The following SEL1L2 variants were observed in gnomAD, a reference collection of about 807,000 sequenced individuals.
SEL1L2 encodes the protein protein sel-1 homolog 2.
In SEL1L2, 89 loss-of-function variants were observed where a neutral mutation model predicts 98.8. The observed-to-expected ratio is 0.90, with a 90% CI of 0.76 to 1.07. SEL1L2 has a LOEUF of 1.07. Ranked by LOEUF, SEL1L2 falls within the 50% of genes least tolerant of loss-of-function variation. The pLI is 0.00. For missense variants in SEL1L2, 788 were observed against 812.0 expected (o/e 0.97, Z 0.36); for synonymous variants, 262 against 278.5 (o/e 0.94, Z 0.59).
intron 15 of SEL1L2, among the ~76,000 whole-genome samples, chr20:13,865,831 C>G (rs200336309): frequency 6.7e-6 from 1 of 149,944 alleles, no homozygotes; most frequent in African/African-American, 2.5e-5. Context: ...GTGTGTGTGT[C>G]TGTGTGTGTG....
At chr20:13,930,310 C>G (rs1158331671) in intron 3 of SEL1L2, among the ~76,000 whole-genome samples, 1 of 152,216 alleles carries the variant, frequency 6.6e-6, no homozygotes, top group East Asian at 1.9e-4. Context: ...CTGGCTTTGT[C>G]CTTGACTTGA....
chr20:13,888,575 A>T (rs2047059956), intron 5 of SEL1L2, 63 bp from the exon 6 acceptor site: 1 of 765,120 alleles, frequency 1.3e-6, no homozygotes, highest in Non-Finnish European at 2.2e-6. Context: ...ATCTATATGG[A>T]TAAGGGATAT....
chr20:13,862,825 C>T (rs1384088284), intron 17 of SEL1L2, among the ~76,000 whole-genome samples: 1 of 151,982 alleles, frequency 6.6e-6, no homozygotes, highest in East Asian at 1.9e-4. Context: ...GTAGCTAGAA[C>T]TACAGGTGCA....
At chr20:13,870,979 A>T (rs952004277) in intron 12 of SEL1L2, among the ~76,000 whole-genome samples, 2 of 150,458 alleles carry the variant, frequency 1.3e-5, no homozygotes, top group South Asian at 4.3e-4. Context: ...CACCTAGAAG[A>T]GGGACACTCT....
At chr20:13,876,210 A>G (rs1322556590) in intron 11 of SEL1L2, 95 bp from the exon 12 acceptor site, 11 of 872,534 alleles carry the variant, frequency 1.3e-5, no homozygotes, top group Non-Finnish European at 2.1e-5. Flanking sequence ...GTGGTACAAC[A>G]TATTGAATGT....
chr20:13,884,020 G>A (rs915266883), intron 10 of SEL1L2, among the ~76,000 whole-genome samples: 2 of 152,126 alleles, frequency 1.3e-5, no homozygotes, highest in African/African-American at 2.4e-5. Flanking sequence ...CTTGGGGTGC[G>A]TATGCTTATT....
chr20:13,895,774 G>T (rs1013557417), intron 5 of SEL1L2, among the ~76,000 whole-genome samples: 1 of 152,172 alleles, frequency 6.6e-6, no homozygotes, highest in South Asian at 2.1e-4. Flanking sequence ...AGAAATAAAA[G>T]TTATCCAAAT....
At position 13,940,344 on chromosome 20, in the gene SEL1L2, C is replaced by T. The variant is rs75277482; in HGVS notation, c.115-8573G>A. Among the ~76,000 whole-genome samples, 320 of 152,184 alleles carry T rather than the reference C, an allele frequency of 2.1e-3. 11 individuals carry two copies. In the East Asian group the frequency reaches 0.046, roughly 22 times the overall value. On this transcript the variant is annotated intron_variant, in intron 2 of 19. Transcript: ENST00000284951. Reference sequence around the variant, plus strand: ...GCAAAGTTATGAAGGCAGAGCATTCCGGGCAGAAAGGACAGTAAGTACGAA... The same window carrying T: ...GCAAAGTTATGAAGGCAGAGCATTCTGGGCAGAAAGGACAGTAAGTACGAA...
At chr20:13,852,787 A>G (rs6042387) in intron 18 of SEL1L2, among the ~76,000 whole-genome samples, 17,320 of 152,274 alleles carry the variant, frequency 0.11, 1,078 homozygotes, top group African/African-American at 0.16. Flanking sequence ...CTGCAGTAAA[A>G]TAGCTGGTTT....
At position 13,935,068 on chromosome 20, in the gene SEL1L2, T is replaced by C. The variant is rs372905200; in HGVS notation, c.115-3297A>G. Among the ~76,000 whole-genome samples, 3 of 152,214 alleles carry C rather than the reference T, an allele frequency of 2.0e-5. No individual in the cohort carries two copies. In the South Asian group the frequency reaches 6.2e-4, roughly 31 times the overall value. On this transcript the variant is annotated intron_variant, in intron 2 of 19. Coordinates refer to ENST00000284951, the MANE Select transcript of SEL1L2 (RefSeq NM_025229.2). ...GAGGAGGCAGTACAAGTTTGGCAAA[T>C]GCCTGTGACTGTCTGATGTTTCTAC... is the stretch of plus-strand genomic sequence containing the variant.
intron 2 of SEL1L2, among the ~76,000 whole-genome samples, chr20:13,932,009 G>C (rs1238371875): frequency 1.3e-5 from 2 of 152,072 alleles, no homozygotes; most frequent in Non-Finnish European, 2.9e-5. Context: ...ACAGAGCCAA[G>C]CATTAAAAGC....
chr20:13,880,143 G>A (rs2046627564), intron 10 of SEL1L2, among the ~76,000 whole-genome samples: 1 of 152,136 alleles, frequency 6.6e-6, no homozygotes, highest in South Asian at 2.1e-4. Flanking sequence ...CAAGGCAGCT[G>A]GACTTTAATC....
chr20:13,988,794 C>T (rs2052385005), intron 1 of SEL1L2, among the ~76,000 whole-genome samples: 1 of 152,064 alleles, frequency 6.6e-6, no homozygotes, highest in South Asian at 2.1e-4. Flanking sequence ...GGGTGAATCA[C>T]CTGAGGTCAG....
At chr20:13,992,139 A>G (rs971412153), upstream of SEL1L2, among the ~76,000 whole-genome samples, 2 of 152,222 alleles carry the variant, frequency 1.3e-5, no homozygotes, top group Non-Finnish European at 2.9e-5. Context: ...GTGATGTTCA[A>G]GCTGAAATAT....
chr20:13,913,806 T>C lies in SEL1L2; in HGVS notation c.525A>G (p.Lys175=). 2 of 1,532,272 alleles carry C rather than the reference T, an allele frequency of 1.3e-6. No homozygotes were observed. Among genetic ancestry groups the C allele is most frequent in the South Asian group, 2.6e-5 (2 of 75,562 alleles). 94.9% of individuals were successfully genotyped at this position (1,532,272 alleles called of 1,614,324 possible). A position where few individuals can be genotyped will look rare whatever the true frequency, so the allele number is the denominator to read the frequency against. The stretch of plus-strand genomic sequence containing the variant: ...CGTTTTGGGCTTTACATGATCCTTC[T>C]TTAGCCAAGGACTCATATAATTGGA... ...AAIQLYESLA[K]EGSCKAQNAL... Residue 175 remains lysine, a synonymous_variant, in exon 5 of 20, where the codon AAA becomes AAG. Coordinates refer to ENST00000284951, the MANE Select transcript of SEL1L2 (RefSeq NM_025229.2).
At chr20:13,873,583 A>T (rs1248732489) in intron 12 of SEL1L2, among the ~76,000 whole-genome samples, 1 of 150,928 alleles carries the variant, frequency 6.6e-6, no homozygotes, top group African/African-American at 2.4e-5. Context: ...GATGGTCTCG[A>T]TCTCTTGACC....
intron 5 of SEL1L2, among the ~76,000 whole-genome samples, chr20:13,907,914 C>T (rs1182237699): frequency 6.9e-6 from 1 of 145,158 alleles, no homozygotes; most frequent in Non-Finnish European, 1.5e-5. Flanking sequence ...ACTACAGGCA[C>T]ATCCCGGCAC....
intron 5 of SEL1L2, among the ~76,000 whole-genome samples, chr20:13,896,137 G>A (rs990615319): frequency 1.3e-5 from 2 of 151,926 alleles, no homozygotes; most frequent in African/African-American, 2.4e-5. Context: ...ATCGTGCCAC[G>A]GCACTCTAGC....
intron 5 of SEL1L2, among the ~76,000 whole-genome samples, chr20:13,890,606 C>A (rs1476261194): frequency 2.0e-5 from 3 of 151,854 alleles, no homozygotes; most frequent in Non-Finnish European, 4.4e-5. Flanking sequence ...ACAACAACAA[C>A]AACAACAAGG....
Sources: allele counts gnomAD v4.1 joint callset (sites outside exome capture counted in the v4.1 genomes callset), GRCh38; gene constraint gnomAD v4.1.1; transcripts MANE v1.5; gene names NCBI Gene and HGNC (gene_info 2026-07-23, HGNC 2026-07-21).